Variants in MYOF observed in about 807,000 individuals in gnomAD.
MYOF encodes myoferlin, also known as fer-1-like 3, myoferlin.
Under a neutral mutation model 284.2 loss-of-function variants are expected in MYOF, and 244 were observed. That is an observed-to-expected ratio of 0.86 (90% CI 0.77 to 0.95). The LOEUF (loss-of-function observed/expected upper bound fraction) is 0.95. Ranked by LOEUF, MYOF falls within the 40% of genes least tolerant of loss-of-function variation. The pLI, the probability that MYOF is intolerant of heterozygous loss-of-function variation, is 0.00. For synonymous variants in MYOF, 904 were observed against 919.7 expected (o/e 0.98, Z 0.31); for missense variants, 2,496 against 2,560.6 (o/e 0.97, Z 0.54).
At chr10:93,432,515 T>G (rs1027921456) in intron 3 of MYOF, among the ~76,000 whole-genome samples, 1 of 152,082 alleles carries the variant, frequency 6.6e-6, no homozygotes, top group African/African-American at 2.4e-5. Context: ...AATAGAAATG[T>G]AAAAGGACCC....
chr10:93,341,942 T>C (rs1843939016), intron 38 of MYOF: 2 of 1,289,880 alleles, frequency 1.6e-6, no homozygotes, highest in South Asian at 2.5e-5. Flanking sequence ...GCCATTTTGC[T>C]GAGTGCTGTT....
intron 21 of MYOF, among the ~76,000 whole-genome samples, chr10:93,378,101 G>A (rs1344647922): frequency 3.9e-5 from 6 of 152,170 alleles, no homozygotes; most frequent in Non-Finnish European, 7.4e-5. Flanking sequence ...AAGCTGCTTG[G>A]AGAAATAGCG....
rs372150636 is a variant in MYOF, at chr10:93,380,005, G to T, written c.1877-18C>A. 38 of 1,609,506 alleles carry T rather than the reference G, an allele frequency of 2.4e-5. No individual in the cohort carries two copies. The African/African-American group carries it at 3.6e-4, about 15-fold the overall frequency. The stretch of plus-strand genomic sequence containing the variant: ...GTAGTTGCCTGGTATAAAACATTGG[G>T]GGTCAATGAACACTGAACACTTAAA... On this transcript the variant is annotated intron_variant, in intron 20 of 53. Transcript: ENST00000359263.
chr10:93,307,031 A>G (rs1408890211), intron 53 of MYOF, 30 bp from the exon 54 acceptor site: 1 of 1,590,074 alleles, frequency 6.3e-7, no homozygotes, highest in Non-Finnish European at 8.6e-7. Context: ...AGTGGTAAAA[A>G]AACATGTATG....
intron 3 of MYOF, among the ~76,000 whole-genome samples, chr10:93,439,071 A>G (rs2056165752): frequency 6.6e-6 from 1 of 152,222 alleles, no homozygotes; most frequent in African/African-American, 2.4e-5. Context: ...AATCACTGAC[A>G]TAGCCTGAAG....
At chr10:93,462,910 T>C (rs140938609) in intron 1 of MYOF, among the ~76,000 whole-genome samples, 1 of 152,250 alleles carries the variant, frequency 6.6e-6, no homozygotes, top group East Asian at 1.9e-4. Context: ...CCACATTACC[T>C]ACCCCCCAAC....
At chr10:93,316,948 C>T (rs1382414305) in intron 49 of MYOF, 135 bp from the exon 50 acceptor site, 2 of 671,204 alleles carry the variant, frequency 3.0e-6, no homozygotes, top group Non-Finnish European at 5.2e-6. Context: ...AATCCTTCCA[C>T]TCTATCTGTA....
intron 53 of MYOF, among the ~76,000 whole-genome samples, chr10:93,309,613 T>G (rs1241424978): frequency 6.6e-6 from 1 of 152,172 alleles, no homozygotes; most frequent in Non-Finnish European, 1.5e-5. Flanking sequence ...AAGGTATATG[T>G]AGACCCACAA....
At chr10:93,479,042 G>A (rs1462891017) in intron 1 of MYOF, among the ~76,000 whole-genome samples, 1 of 151,774 alleles carries the variant, frequency 6.6e-6, no homozygotes, top group Non-Finnish European at 1.5e-5. Context: ...GCTGCTTACT[G>A]CCCTGACTTT....
intron 12 of MYOF, 64 bp from the exon 13 acceptor site, chr10:93,399,559 A>G: frequency 8.4e-7 from 1 of 1,188,402 alleles, no homozygotes; most frequent in Non-Finnish European, 1.2e-6. Context: ...CAAAATTTTA[A>G]AAGTTCTCTT....
chr10:93,369,584 A>G lies in MYOF; in HGVS notation c.2589+61T>C, dbSNP rs1845492065. On this transcript the variant is annotated intron_variant, in intron 25 of 53. Coordinates refer to ENST00000359263, the MANE Select transcript of MYOF (RefSeq NM_013451.4). ...TATGTAAATGTTTTCCATAAAGGTG[A>G]AAAGTAAAAGTGCCCCTCCCCCGAC... 2.4e-5 allele frequency: 39 copies of G among 1,604,142 alleles called. No individual in the cohort carries two copies. In the South Asian group the frequency reaches 4.2e-4, roughly 17 times the overall value.
intron 5 of MYOF, among the ~76,000 whole-genome samples, chr10:93,414,715 G>GT (rs1335882306): frequency 1.3e-5 from 2 of 151,712 alleles, no homozygotes; most frequent in Non-Finnish European, 2.9e-5. Flanking sequence ...CTTTTTTGTT[G>GT]TTTTTTGTGG....
intron 37 of MYOF, among the ~76,000 whole-genome samples, chr10:93,347,100 G>A (rs1844219089): frequency 6.6e-6 from 1 of 152,218 alleles, no homozygotes; most frequent in South Asian, 2.1e-4. Context: ...ACAAGGCCGA[G>A]ATTCCAGCCC....
At chr10:93,473,269 G>T (rs1424647147) in intron 1 of MYOF, among the ~76,000 whole-genome samples, 1 of 152,214 alleles carries the variant, frequency 6.6e-6, no homozygotes, top group East Asian at 1.9e-4. Flanking sequence ...GCCCCCAGAA[G>T]GCTGCCCTGT....
chr10:93,430,034 G>A lies in MYOF; in HGVS notation c.345+1374C>T, dbSNP rs576499536. On this transcript the variant is annotated intron_variant, in intron 4 of 53. Transcript: ENST00000359263. ...ACTGCAACCTCGGCCTCCTGGATTC[G>A]AGCGATTCTTCTGCCTCAGCCTCCC... is the stretch of plus-strand genomic sequence containing the variant. 7.3e-5 allele frequency among the ~76,000 whole-genome samples: 11 copies of A among 151,020 alleles called. No homozygotes were observed. The East Asian group carries it at 1.6e-3, about 22-fold the overall frequency.
intron 44 of MYOF, 36 bp from the exon 45 acceptor site, chr10:93,328,947 G>A (rs1473559500): frequency 1.9e-6 from 3 of 1,565,864 alleles, no homozygotes; most frequent in Admixed American, 1.7e-5. Flanking sequence ...AGTTACGGAG[G>A]AGCCTGCAGG....
chr10:93,307,363 T>G (rs1842157353), intron 53 of MYOF, among the ~76,000 whole-genome samples: 1 of 152,104 alleles, frequency 6.6e-6, no homozygotes, highest in African/African-American at 2.4e-5. Context: ...TGGCGCGATC[T>G]CGGCTCACTG....
chr10:93,307,771 C>T (rs1842187165), intron 53 of MYOF, among the ~76,000 whole-genome samples: 1 of 150,500 alleles, frequency 6.6e-6, no homozygotes, highest in Admixed American at 6.6e-5. Context: ...ATTACAGGCG[C>T]CCACCAACAC....
chr10:93,463,051 C>T (rs985465427), intron 1 of MYOF, among the ~76,000 whole-genome samples: 9 of 152,316 alleles, frequency 5.9e-5, no homozygotes, highest in East Asian at 1.9e-4. Flanking sequence ...GGGCTCAAGT[C>T]GTTCTTCAGG....
Sources: gnomAD v4.1 joint callset for allele counts (sites outside exome capture counted in the v4.1 genomes callset) on GRCh38, gnomAD v4.1.1 for gene constraint, MANE v1.5 for transcripts, NCBI Gene and HGNC (gene_info 2026-07-23, HGNC 2026-07-21) for gene names.